CECR2: variants seen among roughly 807,000 people sequenced by gnomAD.
CECR2 encodes CECR2 histone acetyl-lysine reader.
In CECR2, 30 loss-of-function variants were observed where a neutral mutation model predicts 154.5. That is an observed-to-expected ratio of 0.19 (90% CI 0.15 to 0.26). The LOEUF (loss-of-function observed/expected upper bound fraction) is 0.26. Ranked by LOEUF, CECR2 falls within the 10% of genes least tolerant of loss-of-function variation. The probability of loss-of-function intolerance (pLI) is 1.00; values close to 1 mark genes in which losing one functional copy is unlikely to be tolerated. For synonymous variants in CECR2, 725 were observed against 683.7 expected (o/e 1.06, Z -0.94); for missense variants, 1,743 against 1,829.3 (o/e 0.95, Z 0.86).
At chr22:17,366,002 A>G (rs968920691), upstream of CECR2, among the ~76,000 whole-genome samples, 2 of 152,182 alleles carry the variant, frequency 1.3e-5, no homozygotes, top group African/African-American at 4.8e-5. Context: ...AAACAGAAAA[A>G]CCAAACGAAT....
chr22:17,458,139 G>T (rs963628719), intron 1 of CECR2, among the ~76,000 whole-genome samples: 1 of 152,028 alleles, frequency 6.6e-6, no homozygotes, highest in Non-Finnish European at 1.5e-5. Flanking sequence ...AGAACTGGCC[G>T]GGTGCAGTGG....
intron 1 of CECR2, among the ~76,000 whole-genome samples, chr22:17,422,008 CA>C (rs2054262309): frequency 6.6e-6 from 1 of 151,332 alleles, no homozygotes; most frequent in African/African-American, 2.4e-5. Context: ...GGTTTTTTCT[CA>C]TCACTTTATT....
chr22:17,387,913 A>G (rs2146494953), intron 1 of CECR2, among the ~76,000 whole-genome samples: 1 of 151,446 alleles, frequency 6.6e-6, no homozygotes, highest in South Asian at 2.1e-4. Context: ...TTAGTATTAC[A>G]TTCTATATTT....
intron 1 of CECR2, among the ~76,000 whole-genome samples, chr22:17,457,826 AG>A (rs2054877496): frequency 6.6e-6 from 1 of 152,264 alleles, no homozygotes; most frequent in African/African-American, 2.4e-5. Flanking sequence ...AGCAATAAAA[AG>A]AGATGAAGTA....
intron 9 of CECR2, among the ~76,000 whole-genome samples, chr22:17,525,892 G>T (rs531327974): frequency 6.6e-6 from 1 of 152,230 alleles, no homozygotes; most frequent in South Asian, 2.1e-4. Context: ...AATAATGCCT[G>T]TATTGTAGTC....
At position 17,425,316 on chromosome 22, in the gene CECR2, G is replaced by A. The variant is rs534456653; in HGVS notation, c.127-52272G>A. On this transcript the variant is annotated intron_variant, in intron 1 of 18. Coordinates refer to ENST00000262608, the MANE Select transcript of CECR2 (RefSeq NM_001290047.2). ...TAGCAGCACCCTGGAATGATTTTTG[G>A]TGTGAGAACAACTGTGCTTAGAGCC... 1.8e-3 allele frequency among the ~76,000 whole-genome samples: 275 copies of A among 152,128 alleles called. 1 individual carries two copies. The highest frequency in any genetic ancestry group is 6.4e-3 in the African/African-American group (266 of 41,484).
rs564699674 is a variant in CECR2 at position 17,497,616 on chromosome 22, A to G, written c.405+30A>G. On this transcript the variant is annotated intron_variant, in intron 3 of 18. Coordinates refer to ENST00000262608, the MANE Select transcript of CECR2 (RefSeq NM_001290047.2). ...GCTTAACTGGCGAACCTTTCCCTGTAGCTGTGAAAAGCCAGCAATCAGAAA... is the reference window on the plus strand; with the variant it reads ...GCTTAACTGGCGAACCTTTCCCTGTGGCTGTGAAAAGCCAGCAATCAGAAA... 5 of 1,601,008 alleles carry G rather than the reference A, an allele frequency of 3.1e-6. No individual in the cohort carries two copies. The South Asian group carries it at 4.4e-5, about 14-fold the overall frequency.
intron 1 of CECR2, among the ~76,000 whole-genome samples, chr22:17,388,109 C>T (rs985520480): frequency 5.9e-5 from 9 of 152,082 alleles, no homozygotes; most frequent in East Asian, 3.9e-4. Flanking sequence ...CACGCTCCAC[C>T]ATGCCTGGCT....
intron 2 of CECR2, among the ~76,000 whole-genome samples, chr22:17,487,559 G>T (rs568250521): frequency 1.3e-5 from 2 of 152,254 alleles, no homozygotes; most frequent in Admixed American, 1.3e-4. Flanking sequence ...AAATCAGCCG[G>T]GTTTGGTAGC....
chr22:17,379,712 A>G (rs2063164611), intron 1 of CECR2, among the ~76,000 whole-genome samples: 1 of 152,028 alleles, frequency 6.6e-6, no homozygotes, highest in Non-Finnish European at 1.5e-5. Flanking sequence ...AAGCTGCTCT[A>G]AATGTTTTTT....
intron 1 of CECR2, among the ~76,000 whole-genome samples, chr22:17,395,328 C>T (rs762369633): frequency 3.0e-4 from 46 of 151,690 alleles, no homozygotes; most frequent in Non-Finnish European, 5.4e-4. Flanking sequence ...GCACCCGGCT[C>T]GAATAGAATC....
At chr22:17,452,414 C>T (rs752603123) in intron 1 of CECR2, among the ~76,000 whole-genome samples, 1 of 152,010 alleles carries the variant, frequency 6.6e-6, no homozygotes, top group Non-Finnish European at 1.5e-5. Flanking sequence ...TTAAAAGGAT[C>T]CCTCTGGTAT....
At chr22:17,365,535 A>C (rs1165320785), upstream of CECR2, among the ~76,000 whole-genome samples, 1 of 151,666 alleles carries the variant, frequency 6.6e-6, no homozygotes, top group Admixed American at 6.6e-5. Flanking sequence ...TCTACTAAAA[A>C]TACAAAAAAA....
chr22:17,424,285 C>G, intron 1 of CECR2: 1 of 153,048 alleles, frequency 6.5e-6, no homozygotes, highest in East Asian at 1.9e-4. Context: ...ATGACCAAGT[C>G]TAAGGGTTGG....
Position 17,541,977 on chromosome 22 carries a change from C to G in CECR2, c.2013+10C>G. 6.2e-7 allele frequency: 1 copy of G among 1,610,154 alleles called. No homozygotes were observed. Among genetic ancestry groups the G allele is most frequent in the Non-Finnish European group, 8.5e-7 (1 of 1,178,046 alleles). ...GCCTTTCACCATGCAGGTAAGCAGC[C>G]TACTCTGGAGGTGCAGGTGCAGGGG... On this transcript the variant is annotated intron_variant, in intron 15 of 18. Transcript: ENST00000262608.
At chr22:17,391,273 G>A (rs2063322953) in intron 1 of CECR2, among the ~76,000 whole-genome samples, 1 of 152,194 alleles carries the variant, frequency 6.6e-6, no homozygotes, top group Non-Finnish European at 1.5e-5. Flanking sequence ...CTCCATCCTG[G>A]TTTACACACT....
intron 1 of CECR2, among the ~76,000 whole-genome samples, chr22:17,376,764 G>A (rs1006412036): frequency 2.0e-5 from 3 of 151,212 alleles, no homozygotes; most frequent in African/African-American, 7.3e-5. Context: ...TCAGCCTCCC[G>A]AGTAGCTGGG....
At chr22:17,518,694 C>A in intron 8 of CECR2, 1 of 442,168 alleles carries the variant, frequency 2.3e-6, no homozygotes, top group South Asian at 1.8e-5. Flanking sequence ...TTACTGTTTG[C>A]ATTCAAGCAC....
At chr22:17,477,546 ATC>A in intron 1 of CECR2, 40 bp from the exon 2 acceptor site, 3 of 1,348,440 alleles carry the variant, frequency 2.2e-6, no homozygotes, top group Non-Finnish European at 3.2e-6. Context: ...ATTTTAAGAA[ATC>A]TCTGTTTGAT....
Sources: allele counts gnomAD v4.1 joint callset (sites outside exome capture counted in the v4.1 genomes callset), GRCh38; gene constraint gnomAD v4.1.1; transcripts MANE v1.5; gene names NCBI Gene and HGNC (gene_info 2026-07-23, HGNC 2026-07-21).